PABPC4L: variants seen among roughly 807,000 people sequenced by gnomAD.
PABPC4L encodes polyadenylate-binding protein 4-like.
For missense variants in PABPC4L, 452 were observed against 451.4 expected (o/e 1.00, Z -0.01); for synonymous variants, 169 against 164.1 (o/e 1.03, Z -0.23).
the PABPC4L span, among the ~76,000 whole-genome samples, chr4:134,107,750 A>C: frequency 6.6e-6 from 1 of 151,682 alleles, no homozygotes; most frequent in Non-Finnish European, 1.5e-5. Flanking sequence ...TTACAAGCTC[A>C]TAATTTGAGA....
the PABPC4L span, among the ~76,000 whole-genome samples, chr4:133,948,866 T>C: frequency 6.6e-6 from 1 of 152,142 alleles, no homozygotes; most frequent in Admixed American, 6.5e-5. Flanking sequence ...AGATCAGTTA[T>C]CTTAATTAAT....
At chr4:134,127,655 C>A in the PABPC4L span, among the ~76,000 whole-genome samples, 12 of 152,048 alleles carry the variant, frequency 7.9e-5, no homozygotes, top group Non-Finnish European at 1.0e-4. Context: ...GAACAGCAGT[C>A]CTTGAGTCCC....
downstream of PABPC4L, among the ~76,000 whole-genome samples, chr4:134,191,699 A>G (rs946960908): frequency 1.3e-5 from 2 of 152,048 alleles, no homozygotes; most frequent in African/African-American, 4.8e-5. Flanking sequence ...CAAAAACACA[A>G]CACACCAACA....
chr4:133,955,871 G>T, the PABPC4L span, among the ~76,000 whole-genome samples: 2 of 152,076 alleles, frequency 1.3e-5, no homozygotes, highest in South Asian at 2.1e-4. Flanking sequence ...TTATTCTGAA[G>T]AGTCTTACAA....
chr4:134,137,434 A>G, the PABPC4L span, among the ~76,000 whole-genome samples: 6 of 151,938 alleles, frequency 3.9e-5, no homozygotes, highest in African/African-American at 1.4e-4. Context: ...TTATCACTTG[A>G]GTTGCTTTAT....
chr4:134,171,533 G>T, the PABPC4L span, among the ~76,000 whole-genome samples: 1 of 152,072 alleles, frequency 6.6e-6, no homozygotes, highest in Non-Finnish European at 1.5e-5. Flanking sequence ...TGTTTGTCAG[G>T]TGCATAGTTT....
At chr4:134,030,232 C>CT in the PABPC4L span, among the ~76,000 whole-genome samples, 1 of 151,960 alleles carries the variant, frequency 6.6e-6, no homozygotes, top group Non-Finnish European at 1.5e-5. Context: ...GACTTTGGAA[C>CT]TGGGTAACAG....
the PABPC4L span, among the ~76,000 whole-genome samples, chr4:134,057,042 A>T: frequency 5.3e-5 from 8 of 152,048 alleles, no homozygotes; most frequent in Admixed American, 1.3e-4. Context: ...TATCAAGATG[A>T]GTTAGTTATC....
chr4:134,097,853 T>C, the PABPC4L span, among the ~76,000 whole-genome samples: 1 of 151,914 alleles, frequency 6.6e-6, no homozygotes, highest in African/African-American at 2.4e-5. Context: ...TGATGCTGTT[T>C]TTACTTTCTG....
chr4:134,190,490 T>G, the PABPC4L span, among the ~76,000 whole-genome samples: 1 of 152,054 alleles, frequency 6.6e-6, no homozygotes, highest in Non-Finnish European at 1.5e-5. Flanking sequence ...TTCCTGTCCT[T>G]TCCCCAATTT....
the PABPC4L span, among the ~76,000 whole-genome samples, chr4:134,122,734 A>C: frequency 6.6e-6 from 1 of 151,874 alleles, no homozygotes; most frequent in Non-Finnish European, 1.5e-5. Flanking sequence ...TTTGATTATT[A>C]ATACAAATAA....
the PABPC4L span, among the ~76,000 whole-genome samples, chr4:134,021,371 A>C: frequency 6.6e-6 from 1 of 152,144 alleles, no homozygotes; most frequent in African/African-American, 2.4e-5. Flanking sequence ...GAAATCTACA[A>C]AATCCCATCC....
chr4:133,992,160 G>T, the PABPC4L span, among the ~76,000 whole-genome samples: 1 of 152,176 alleles, frequency 6.6e-6, no homozygotes, highest in Non-Finnish European at 1.5e-5. Context: ...ATGAAATTGT[G>T]ATCAAAGCCA....
the PABPC4L span, among the ~76,000 whole-genome samples, chr4:133,954,839 T>C: frequency 2.6e-5 from 4 of 152,136 alleles, no homozygotes; most frequent in Admixed American, 2.6e-4. Flanking sequence ...AAGAAGTACA[T>C]AGTGAACGAG....
chr4:134,144,466 A>G, the PABPC4L span, among the ~76,000 whole-genome samples: 2 of 151,346 alleles, frequency 1.3e-5, no homozygotes, highest in Non-Finnish European at 3.0e-5. Context: ...ATATGTATCT[A>G]TTGATGTCAT....
At chr4:134,009,822 C>T in the PABPC4L span, among the ~76,000 whole-genome samples, 1 of 151,992 alleles carries the variant, frequency 6.6e-6, no homozygotes, top group African/African-American at 2.4e-5. Context: ...CAGTGGTGAA[C>T]ATAAATGTAT....
chr4:134,102,672 C>T, the PABPC4L span, among the ~76,000 whole-genome samples: 5 of 151,464 alleles, frequency 3.3e-5, no homozygotes, highest in South Asian at 2.1e-4. Flanking sequence ...ATCAGCTAAA[C>T]GTTTGCTGAA....
At chr4:134,176,675 C>G in the PABPC4L span, among the ~76,000 whole-genome samples, 1 of 152,004 alleles carries the variant, frequency 6.6e-6, no homozygotes, top group Non-Finnish European at 1.5e-5. Flanking sequence ...ATCAAGGCAG[C>G]AGGGGGACAC....
the PABPC4L span, among the ~76,000 whole-genome samples, chr4:134,126,222 T>A: frequency 1.3e-5 from 2 of 152,246 alleles, no homozygotes; most frequent in African/African-American, 4.8e-5. Context: ...GAATTAGATG[T>A]GCCCCTGGGG....
Sources: allele counts gnomAD v4.1 joint callset (sites outside exome capture counted in the v4.1 genomes callset), GRCh38; gene constraint gnomAD v4.1.1; transcripts MANE v1.5; gene names NCBI Gene and HGNC (gene_info 2026-07-23, HGNC 2026-07-21).